DTHD1: variants seen among roughly 807,000 people sequenced by gnomAD.
The protein encoded by DTHD1 is death domain containing 1, also known as death domain-containing protein 1.
DTHD1 carries 59 observed loss-of-function variants against 74.8 expected under a neutral mutation model. That is an observed-to-expected ratio of 0.79 (90% CI 0.64 to 0.98). The LOEUF (loss-of-function observed/expected upper bound fraction) is 0.98. Ranked by LOEUF, DTHD1 falls within the 50% of genes least tolerant of loss-of-function variation. The pLI, the probability that DTHD1 is intolerant of heterozygous loss-of-function variation, is 0.00. For synonymous variants in DTHD1, 365 were observed against 371.1 expected (o/e 0.98, Z 0.19); for missense variants, 1,051 against 1,065.4 (o/e 0.99, Z 0.19).
At chr4:36,282,088 C>A in intron 1 of DTHD1, 59 bp downstream of exon 1, 2 of 1,403,758 alleles carry the variant, frequency 1.4e-6, no homozygotes, top group Non-Finnish European at 1.9e-6. Flanking sequence ...AGGGCAAGAT[C>A]TGAGAGGGGC....
chr4:36,290,866 G>C (rs1756037065), intron 3 of DTHD1, among the ~76,000 whole-genome samples, 163 bp downstream of exon 3: 1 of 152,164 alleles, frequency 6.6e-6, no homozygotes, highest in South Asian at 2.1e-4. Flanking sequence ...CATCCATAAA[G>C]ATCAAAGGAT....
At chr4:36,311,471 C>A (rs189054094) in intron 7 of DTHD1, among the ~76,000 whole-genome samples, 7 of 151,376 alleles carry the variant, frequency 4.6e-5, no homozygotes, top group Non-Finnish European at 1.0e-4. Context: ...TCCCCACCCC[C>A]ACCCTCACCC....
intron 5 of DTHD1, 89 bp downstream of exon 5, chr4:36,295,128 A>T: frequency 7.8e-7 from 1 of 1,289,076 alleles, no homozygotes; most frequent in Non-Finnish European, 1.0e-6. Flanking sequence ...CCTTGTATTT[A>T]AATTCTGTAT....
At position 36,346,612 on chromosome 4, in the gene DTHD1, C is replaced by T; in HGVS notation, c.*2788C>T. Reference sequence around the variant, plus strand: ...AACACCCTCAGTATTGATAGACACACCCATACCTTTGCATACCCATTTCTC... The same window carrying T: ...AACACCCTCAGTATTGATAGACACATCCATACCTTTGCATACCCATTTCTC... On this transcript the variant is annotated 3_prime_UTR_variant, in exon 10 of 10. Transcript: ENST00000639862. 6.6e-6 allele frequency among the ~76,000 whole-genome samples: 1 copy of T among 152,002 alleles called. No homozygotes were observed. The highest frequency in any genetic ancestry group is 3.2e-3 in the Middle Eastern group (1 of 316).
rs16992035 is a variant in DTHD1 at position 36,284,155 on chromosome 4, G to C, written c.451G>C (p.Gly151Arg). 1 of 1,537,154 alleles carries C rather than the reference G, an allele frequency of 6.5e-7. No homozygotes were observed. Among genetic ancestry groups the C allele is most frequent in the Non-Finnish European group, 8.7e-7 (1 of 1,146,872 alleles). ...CAAAGCAGCAGACATTGCTGCAAGA[G>C]GGGAACTAAATGTCATAGAAACAGC... ...DTKAADIAAR[G>R]ELNVIETATV... Residue 151 changes from glycine (G) to arginine (R), a missense_variant, in exon 2 of 10, where the codon GGG becomes CGG. Transcript: ENST00000639862.
chr4:36,347,177 A>C lies in DTHD1; in HGVS notation c.*3353A>C, dbSNP rs935441797. On this transcript the variant is annotated 3_prime_UTR_variant, in exon 10 of 10. Transcript: ENST00000639862. Reference sequence around the variant, plus strand: ...AGTTTTTAATGTCTTCGAATGTTTTAATGACTGTATAATATCCTATTTCAT... The same window carrying C: ...AGTTTTTAATGTCTTCGAATGTTTTCATGACTGTATAATATCCTATTTCAT... Among the ~76,000 whole-genome samples, 19 of 152,118 alleles carry C rather than the reference A, an allele frequency of 1.2e-4. No homozygotes were observed. The highest frequency in any genetic ancestry group is 4.3e-4 in the African/African-American group (18 of 41,426).
chr4:36,305,972 C>A (rs753834899), intron 5 of DTHD1, among the ~76,000 whole-genome samples: 1 of 152,168 alleles, frequency 6.6e-6, no homozygotes, highest in Non-Finnish European at 1.5e-5. Context: ...CACAAGTCAC[C>A]TTGTGCTGTA....
chr4:36,329,000 A>G (rs1758515039), intron 8 of DTHD1, among the ~76,000 whole-genome samples: 2 of 152,326 alleles, frequency 1.3e-5, no homozygotes, highest in Admixed American at 1.3e-4. Flanking sequence ...TTATTGGCTC[A>G]GCTTGTAGGA....
In DTHD1 at chr4:36,284,999, G is replaced by A. The variant is rs144824956; in HGVS notation, c.887+408G>A. On this transcript the variant is annotated intron_variant, in intron 2 of 9. Transcript: ENST00000639862. ...GATTTCAATGCATGAATTTTGAGGA[G>A]ACACAAACAGTTAGACTATAGCAAC... Among the ~76,000 whole-genome samples the A allele has an allele frequency of 7.7e-3, 1,170 of 152,156 alleles. 19 individuals carry two copies. The highest frequency in any genetic ancestry group is 0.026 in the African/African-American group (1,089 of 41,514).
At chr4:36,339,569 G>T (rs952317906) in intron 9 of DTHD1, among the ~76,000 whole-genome samples, 6 of 151,824 alleles carry the variant, frequency 4.0e-5, no homozygotes, top group African/African-American at 1.5e-4. Flanking sequence ...GGTATATATT[G>T]ATATGAAACC....
chr4:36,291,834 A>C (rs964061335), intron 3 of DTHD1, among the ~76,000 whole-genome samples: 1 of 152,204 alleles, frequency 6.6e-6, no homozygotes, highest in African/African-American at 2.4e-5. Flanking sequence ...GTCTCAAAAC[A>C]ATAAAAATAA....
At chr4:36,321,545 C>T (rs958286116) in intron 8 of DTHD1, among the ~76,000 whole-genome samples, 2 of 152,128 alleles carry the variant, frequency 1.3e-5, no homozygotes, top group African/African-American at 4.8e-5. Flanking sequence ...GGAAAACAAG[C>T]TCAAGGCTCC....
At chr4:36,297,288 A>G (rs1171327290) in intron 5 of DTHD1, among the ~76,000 whole-genome samples, 1 of 152,158 alleles carries the variant, frequency 6.6e-6, no homozygotes, top group Non-Finnish European at 1.5e-5. Context: ...TAATTATTTA[A>G]GCATACTTAT....
At chr4:36,309,256 T>C (rs957431538) in intron 7 of DTHD1, among the ~76,000 whole-genome samples, 1 of 152,146 alleles carries the variant, frequency 6.6e-6, no homozygotes, top group Non-Finnish European at 1.5e-5. Flanking sequence ...GCCAACATAG[T>C]GAAACCTCGT....
chr4:36,303,947 T>A (rs1447742587), intron 5 of DTHD1, among the ~76,000 whole-genome samples: 1 of 152,202 alleles, frequency 6.6e-6, no homozygotes, highest in Non-Finnish European at 1.5e-5. Context: ...ACATATTTTT[T>A]TTCATTCACA....
At chr4:36,296,350 C>G (rs1297419288) in intron 5 of DTHD1, among the ~76,000 whole-genome samples, 1 of 151,936 alleles carries the variant, frequency 6.6e-6, no homozygotes, top group East Asian at 1.9e-4. Flanking sequence ...AATTAATAGG[C>G]TGACTTAATA....
chr4:36,300,415 T>A (rs1756691805), intron 5 of DTHD1, among the ~76,000 whole-genome samples: 1 of 152,212 alleles, frequency 6.6e-6, no homozygotes, highest in Non-Finnish European at 1.5e-5. Context: ...TTGATACTCC[T>A]GCATCTACAT....
At chr4:36,311,532 GAGA>G (rs1757410825) in intron 7 of DTHD1, among the ~76,000 whole-genome samples, 1 of 139,530 alleles carries the variant, frequency 7.2e-6, no homozygotes, top group Admixed American at 8.1e-5. Context: ...ATCATGTTCT[GAGA>G]AGCTTTCTCT....
chr4:36,293,449 C>G (rs1756200046), intron 3 of DTHD1, 77 bp from the exon 4 acceptor site: 1 of 1,189,424 alleles, frequency 8.4e-7, no homozygotes, highest in Non-Finnish European at 1.1e-6. Context: ...ATTTTTTTGA[C>G]AATCCATAGA....
Sources: allele counts gnomAD v4.1 joint callset (sites outside exome capture counted in the v4.1 genomes callset), GRCh38; gene constraint gnomAD v4.1.1; transcripts MANE v1.5; gene names NCBI Gene and HGNC (gene_info 2026-07-23, HGNC 2026-07-21).